Variants in MRPL1 observed in about 807,000 individuals in gnomAD.
MRPL1 encodes the protein large ribosomal subunit protein uL1m.
Under a neutral mutation model 38.0 loss-of-function variants are expected in MRPL1, and 28 were observed. The ratio of observed to expected loss-of-function variants is 0.74; its 90% CI spans 0.55 to 1.01. The LOEUF (loss-of-function observed/expected upper bound fraction) is 1.01, where lower values mean the gene tolerates loss of function less well. MRPL1 is among the 50% of genes least tolerant of loss of function. The pLI, the probability that MRPL1 is intolerant of heterozygous loss-of-function variation, is 0.00. For missense variants in MRPL1, 358 were observed against 389.8 expected, an observed-to-expected ratio of 0.92 and a Z score of 0.69; for synonymous variants, 123 against 126.7, an observed-to-expected ratio of 0.97 and a Z score of 0.20.
chr4:77,893,082 C>T (rs1236673058), intron 5 of MRPL1, among the ~76,000 whole-genome samples: 1 of 152,132 alleles, frequency 6.6e-6, no homozygotes, highest in African/African-American at 2.4e-5. Context: ...GTTTTTAATT[C>T]ACCGTGTACC....
At chr4:77,874,396 C>G (rs904162126) in intron 2 of MRPL1, among the ~76,000 whole-genome samples, 7 of 152,188 alleles carry the variant, frequency 4.6e-5, no homozygotes, top group Non-Finnish European at 7.3e-5. Flanking sequence ...ATTTATGTAA[C>G]TATTCCCCTA....
chr4:77,872,990 G>T (rs942492736), intron 2 of MRPL1, among the ~76,000 whole-genome samples: 1 of 152,082 alleles, frequency 6.6e-6, no homozygotes, highest in African/African-American at 2.4e-5. Flanking sequence ...CTGAGATTGC[G>T]CCACTACACT....
At chr4:77,889,665 A>T (rs1448414097) in intron 5 of MRPL1, among the ~76,000 whole-genome samples, 1 of 152,172 alleles carries the variant, frequency 6.6e-6, no homozygotes, top group Non-Finnish European at 1.5e-5. Flanking sequence ...GATACAAAAA[A>T]CCCTTCAAAA....
chr4:77,919,930 T>C (rs1274478619), intron 7 of MRPL1, among the ~76,000 whole-genome samples: 2 of 151,966 alleles, frequency 1.3e-5, no homozygotes, highest in Non-Finnish European at 2.9e-5. Context: ...TTCATAAATA[T>C]AGAAGCACTT....
At chr4:77,893,456 G>C (rs1735848211) in intron 5 of MRPL1, among the ~76,000 whole-genome samples, 1 of 152,158 alleles carries the variant, frequency 6.6e-6, no homozygotes, top group South Asian at 2.1e-4. Flanking sequence ...TAGAGTTTAA[G>C]TGGAGTATAT....
At position 77,883,281 on chromosome 4, in the gene MRPL1, A is replaced by G; in HGVS notation, c.183A>G (p.Thr61=). The part of the protein sequence containing the change: ...KKTKKGAKEK[T]PDEKKDEIEK... ...CAAAAAAAGGTGCTAAAGAAAAAACACCAGATGAGAAAAAAGATGAAATAG... is the reference window on the plus strand; with the variant it reads ...CAAAAAAAGGTGCTAAAGAAAAAACGCCAGATGAGAAAAAAGATGAAATAG... Residue 61 remains threonine, a synonymous_variant, in exon 3 of 9, where the codon ACA becomes ACG. Transcript: ENST00000315567. The G allele has an allele frequency of 6.3e-7, 1 of 1,596,624 alleles. No homozygotes were observed. The highest frequency in any genetic ancestry group is 8.5e-7 in the Non-Finnish European group (1 of 1,174,886).
At chr4:77,889,080 A>G (rs1446427257) in intron 5 of MRPL1, among the ~76,000 whole-genome samples, 4 of 152,192 alleles carry the variant, frequency 2.6e-5, no homozygotes, top group Non-Finnish European at 5.9e-5. Context: ...AACGAGACAG[A>G]AAGTTAACAA....
intron 7 of MRPL1, among the ~76,000 whole-genome samples, chr4:77,941,129 G>A (rs919734497): frequency 5.3e-5 from 8 of 152,100 alleles, no homozygotes; most frequent in African/African-American, 1.9e-4. Flanking sequence ...GCCGGGCGTG[G>A]TGGCACATGC....
In MRPL1 at chr4:77,925,831, T is replaced by G. The variant is rs145719351; in HGVS notation, c.777+16459T>G. Among the ~76,000 whole-genome samples, 861 of 152,300 alleles carry G rather than the reference T, an allele frequency of 5.7e-3. 4 individuals carry two copies. Among genetic ancestry groups the G allele is most frequent in the Non-Finnish European group, 9.2e-3 (623 of 68,030 alleles). On this transcript the variant is annotated intron_variant, in intron 7 of 8. Transcript: ENST00000315567. ...GAGTATTTTATACTTTGCAACCTTT[T>G]TTGGCTTAAGTTTTTTAATATTTTT... is the stretch of plus-strand genomic sequence containing the variant.
intron 5 of MRPL1, among the ~76,000 whole-genome samples, chr4:77,893,270 C>T (rs914923849): frequency 6.6e-6 from 1 of 152,130 alleles, no homozygotes; most frequent in Non-Finnish European, 1.5e-5. Context: ...ATGTGTGCCA[C>T]CACGCCCGGC....
At chr4:77,887,094 T>G in intron 4 of MRPL1, 126 bp from the exon 5 acceptor site, 1 of 810,906 alleles carries the variant, frequency 1.2e-6, no homozygotes, top group South Asian at 1.7e-5. Context: ...CAGCCACATT[T>G]TCAATTAAAA....
chr4:77,869,320 G>T (rs1735224788), intron 1 of MRPL1, among the ~76,000 whole-genome samples: 1 of 152,136 alleles, frequency 6.6e-6, no homozygotes, highest in Non-Finnish European at 1.5e-5. Flanking sequence ...AAGTTCTGAG[G>T]GCTATTTTCT....
At chr4:77,900,868 G>A (rs535256358) in intron 6 of MRPL1, among the ~76,000 whole-genome samples, 4 of 152,258 alleles carry the variant, frequency 2.6e-5, no homozygotes, top group Admixed American at 1.3e-4. Flanking sequence ...GCGAGGAGGC[G>A]ATTACAGTAA....
intron 7 of MRPL1, among the ~76,000 whole-genome samples, chr4:77,925,850 T>C (rs1003110023): frequency 6.6e-6 from 1 of 152,226 alleles, no homozygotes; most frequent in African/African-American, 2.4e-5. Flanking sequence ...AGTTTTTTAA[T>C]ATTTTTGTTT....
intron 7 of MRPL1, among the ~76,000 whole-genome samples, chr4:77,925,877 A>C (rs181106714): frequency 6.6e-6 from 1 of 152,290 alleles, no homozygotes; most frequent in African/African-American, 2.4e-5. Context: ...TGAAGAATGC[A>C]TCCTTTGTAG....
At chr4:77,875,863 C>T (rs905475939) in intron 2 of MRPL1, among the ~76,000 whole-genome samples, 3 of 152,080 alleles carry the variant, frequency 2.0e-5, no homozygotes, top group South Asian at 4.1e-4. Flanking sequence ...GCTGGAGTAC[C>T]GCTTGTACCA....
chr4:77,887,233 T>A lies in MRPL1; in HGVS notation c.500T>A (p.Val167Asp). The A allele has an allele frequency of 3.1e-6, 5 of 1,613,508 alleles. No individual in the cohort carries two copies. Among genetic ancestry groups the A allele is most frequent in the Non-Finnish European group, 4.2e-6 (5 of 1,179,446 alleles). Residue 167 changes from valine (V) to aspartate (D), a missense_variant, in exon 5 of 9, where the codon GTC (valine) becomes GAC (aspartate). Transcript: ENST00000315567. ...VAVFTENASE[V>D]KIAEENGAAF... ...GTGTTTTGGTAGAATGCATCAGAGG[T>A]CAAAATAGCGGAAGAAAATGGAGCT...
At chr4:77,908,656 A>G (rs912793700) in intron 6 of MRPL1, among the ~76,000 whole-genome samples, 2 of 152,210 alleles carry the variant, frequency 1.3e-5, no homozygotes, top group Admixed American at 1.3e-4. Flanking sequence ...ATGGTGCAAC[A>G]ATATTACCAC....
intron 7 of MRPL1, among the ~76,000 whole-genome samples, chr4:77,922,232 A>T (rs190767933): frequency 3.3e-5 from 5 of 152,340 alleles, no homozygotes; most frequent in Non-Finnish European, 5.9e-5. Context: ...AACTTCTCTA[A>T]AAACATGACT....
Sources: allele counts gnomAD v4.1 joint callset (sites outside exome capture counted in the v4.1 genomes callset), GRCh38; gene constraint gnomAD v4.1.1; transcripts MANE v1.5; gene names NCBI Gene and HGNC (gene_info 2026-07-23, HGNC 2026-07-21).